NUP210L: variants seen among roughly 807,000 people sequenced by gnomAD.
The protein encoded by NUP210L is nuclear pore membrane glycoprotein 210-like.
A neutral mutation model predicts 208.5 loss-of-function variants in NUP210L; 74 were observed. The observed-to-expected ratio is 0.35, with a 90% CI of 0.29 to 0.43. NUP210L has a LOEUF of 0.43. Ranked by LOEUF, NUP210L falls within the 20% of genes least tolerant of loss-of-function variation. The pLI is 1.00. For synonymous variants in NUP210L, 780 were observed against 816.9 expected (o/e 0.95, Z 0.77); for missense variants, 1,843 against 2,289.4 (o/e 0.81, Z 3.98).
chr1:154,066,525 G>A (rs1654425430), intron 17 of NUP210L, among the ~76,000 whole-genome samples: 1 of 152,150 alleles, frequency 6.6e-6, no homozygotes, highest in African/African-American at 2.4e-5. Flanking sequence ...GCAGGAGAAT[G>A]GTATGAACCC....
At chr1:154,053,582 C>T (rs542596663) in intron 25 of NUP210L, among the ~76,000 whole-genome samples, 9 of 152,292 alleles carry the variant, frequency 5.9e-5, no homozygotes, top group African/African-American at 1.7e-4. Context: ...CCACCCAGGG[C>T]GGAAAACCAC....
At chr1:154,006,697 G>T (rs1034848894) in intron 35 of NUP210L, among the ~76,000 whole-genome samples, 4 of 150,416 alleles carry the variant, frequency 2.7e-5, no homozygotes, top group Admixed American at 6.7e-5. Context: ...GTTTCACCAT[G>T]TTGGCCAGGC....
chr1:154,133,803 G>A (rs1441035836), intron 7 of NUP210L, among the ~76,000 whole-genome samples: 1 of 151,922 alleles, frequency 6.6e-6, no homozygotes, highest in Non-Finnish European at 1.5e-5. Context: ...AGCCAAGATT[G>A]CACCACTGCA....
rs5777888 is a variant in NUP210L, at chr1:154,114,761, AT to A, written c.1620+2963del. On this transcript the variant is annotated intron_variant, in intron 12 of 39. Transcript: ENST00000368559. The stretch of plus-strand genomic sequence containing the variant: ...AGGCATGTGCCACTATGCCTGGTTA[AT>A]TTTTTTTTTAAGAGATGGGGGGGGG... Among the ~76,000 whole-genome samples the A allele has an allele frequency of 4.4e-4, 56 of 126,480 alleles. No homozygotes were observed. In the East Asian group the frequency reaches 9.0e-3, roughly 20 times the overall value. 83.0% of individuals were successfully genotyped at this position (126,480 alleles called of 152,430 possible).
chr1:154,150,375 T>G (rs1296484519), intron 2 of NUP210L, among the ~76,000 whole-genome samples: 2 of 151,834 alleles, frequency 1.3e-5, no homozygotes, highest in African/African-American at 4.8e-5. Flanking sequence ...CCATCATCTT[T>G]GTCATGACCA....
At chr1:154,072,036 G>T (rs1020259067) in intron 16 of NUP210L, among the ~76,000 whole-genome samples, 9 of 151,694 alleles carry the variant, frequency 5.9e-5, no homozygotes, top group Admixed American at 2.0e-4. Flanking sequence ...TAATTGATGG[G>T]CATCTCAGTT....
rs572680223 is a variant in NUP210L at position 154,127,876 on chromosome 1, T to C, written c.1079-459A>G. On this transcript the variant is annotated intron_variant, in intron 8 of 39. Coordinates refer to ENST00000368559, the Ensembl canonical transcript of NUP210L. Reference sequence around the variant, plus strand: ...GGTCTAAAGTAGATTTTTTTGTTGTTATTTTTTGAAACAGGGTCTCACTGT... The same window carrying C: ...GGTCTAAAGTAGATTTTTTTGTTGTCATTTTTTGAAACAGGGTCTCACTGT... 1.2e-4 allele frequency among the ~76,000 whole-genome samples: 18 copies of C among 151,788 alleles called. No individual in the cohort carries two copies. In the South Asian group the frequency reaches 3.1e-3, roughly 26 times the overall value.
intron 7 of NUP210L, among the ~76,000 whole-genome samples, chr1:154,129,683 G>C (rs529407107): frequency 1.3e-5 from 2 of 152,192 alleles, no homozygotes; most frequent in African/African-American, 2.4e-5. Context: ...GAAACAGGAC[G>C]AAGTGGCTCC....
chr1:154,120,895 CAAA>C (rs34261242), intron 10 of NUP210L, among the ~76,000 whole-genome samples: 7 of 82,170 alleles, frequency 8.5e-5, no homozygotes, highest in African/African-American at 1.4e-4. Context: ...GACTCTGTCT[CAAA>C]AAAAAAAAAA....
Position 154,099,076 on chromosome 1 carries a change from T to G in NUP210L, c.1965+922A>C, listed in dbSNP as rs143219403. Among the ~76,000 whole-genome samples, 158 of 152,202 alleles carry G rather than the reference T, an allele frequency of 1.0e-3. 3 individuals are homozygous for G. The East Asian group carries it at 0.027, about 26-fold the overall frequency. On this transcript the variant is annotated intron_variant, in intron 14 of 39. Transcript: ENST00000368559. The stretch of plus-strand genomic sequence containing the variant: ...GATTGGCCCAACTTTGTTCTGAGAT[T>G]GGAGTTGGTGCTGACAGCAGGAAGA...
At chr1:154,136,089 G>A in intron 6 of NUP210L, 117 bp from the exon 7 acceptor site, 2 of 704,818 alleles carry the variant, frequency 2.8e-6, no homozygotes, top group Non-Finnish European at 2.4e-6. Context: ...AGTATGATCT[G>A]CTTCTAATGT....
At position 154,115,837 on chromosome 1, in the gene NUP210L, G is replaced by T. The variant is rs143688739; in HGVS notation, c.1620+1888C>A. 3.9e-3 allele frequency among the ~76,000 whole-genome samples: 599 copies of T among 152,140 alleles called. 14 individuals carry two copies. Among genetic ancestry groups the T allele is most frequent in the Admixed American group, 0.034 (517 of 15,240 alleles). ...CAACATATATTAAAAATGGGGCTGGGGCTGGGCGCAGTGGCTCATGCCTGT... is the reference window on the plus strand; with the variant it reads ...CAACATATATTAAAAATGGGGCTGGTGCTGGGCGCAGTGGCTCATGCCTGT... On this transcript the variant is annotated intron_variant, in intron 12 of 39. Transcript: ENST00000368559.
chr1:154,015,946 A>AAATAAATAAATT (rs1651221794), intron 33 of NUP210L, among the ~76,000 whole-genome samples: 1 of 149,380 alleles, frequency 6.7e-6, no homozygotes, highest in Non-Finnish European at 1.5e-5. Context: ...ATAAATAAAT[A>AAATAAATAAATT]AATAAATAAA....
chr1:154,036,009 A>G (rs556990827), intron 27 of NUP210L, among the ~76,000 whole-genome samples: 1 of 152,236 alleles, frequency 6.6e-6, no homozygotes, highest in South Asian at 2.1e-4. Flanking sequence ...CTGGGATTAC[A>G]GGCGTGAGCC....
At chr1:154,139,518 A>G (rs115380719) in intron 5 of NUP210L, among the ~76,000 whole-genome samples, 115 of 152,276 alleles carry the variant, frequency 7.6e-4, no homozygotes, top group African/African-American at 2.6e-3. Context: ...TCCATAGGCA[A>G]GACTATTAAA....
At chr1:154,152,792 A>G (rs1189407582) in exon 2 of NUP210L, 8 of 1,613,920 alleles carry the variant, frequency 5.0e-6, no homozygotes, top group Non-Finnish European at 5.9e-6. Context: ...AGATTCAGCA[A>G]TGAGTACAGC....
At chr1:154,128,365 A>C (rs1658087675) in intron 8 of NUP210L, among the ~76,000 whole-genome samples, 1 of 151,736 alleles carries the variant, frequency 6.6e-6, no homozygotes. Flanking sequence ...TCGCGGCTAT[A>C]GTTCCATTAC....
At position 153,993,811 on chromosome 1, in the gene NUP210L, T is replaced by C. The variant is rs192216536; in HGVS notation, c.5492-722A>G. On this transcript the variant is annotated intron_variant, in intron 38 of 39. Transcript: ENST00000368559. ...TACTCGAGAGGCTGAGGCAGGAGAA[T>C]CGCTTGAAACTGGGCGATGGAGGTT... Among the ~76,000 whole-genome samples the C allele has an allele frequency of 1.2e-3, 190 of 152,154 alleles. 5 individuals carry two copies. Among genetic ancestry groups the C allele is most frequent in the Admixed American group, 0.011 (161 of 15,280 alleles).
intron 12 of NUP210L, among the ~76,000 whole-genome samples, chr1:154,108,939 A>G (rs1656907243): frequency 6.6e-6 from 1 of 151,682 alleles, no homozygotes; most frequent in South Asian, 2.1e-4. Context: ...CGTCTCTACT[A>G]AAAATATAAA....
Sources: gnomAD v4.1 joint callset for allele counts (sites outside exome capture counted in the v4.1 genomes callset) on GRCh38, gnomAD v4.1.1 for gene constraint, MANE v1.5 for transcripts, NCBI Gene and HGNC (gene_info 2026-07-23, HGNC 2026-07-21) for gene names.